LRCH2: variants seen among roughly 807,000 people sequenced by gnomAD.
The protein encoded by LRCH2 is leucine-rich repeat and calponin homology domain-containing protein 2.
A neutral mutation model predicts 68.9 loss-of-function variants in LRCH2; 38 were observed. The ratio of observed to expected loss-of-function variants is 0.55; its 90% CI spans 0.43 to 0.72. The LOEUF (loss-of-function observed/expected upper bound fraction) is 0.72. Ranked by LOEUF, LRCH2 falls within the 30% of genes least tolerant of loss-of-function variation. The pLI is 0.00. For synonymous variants in LRCH2, 191 were observed against 208.1 expected, an observed-to-expected ratio of 0.92 and a Z score of 0.71; for missense variants, 528 against 572.9, an observed-to-expected ratio of 0.92 and a Z score of 0.80.
chrX:115,166,185 A>C (rs1213573456), intron 7 of LRCH2, 70 bp downstream of exon 7: 1 of 798,042 alleles, frequency 1.3e-6, no homozygotes, highest in Non-Finnish European at 1.8e-6. Context: ...TCAAGTATGC[A>C]CAAGGGTCTC....
In LRCH2 at chrX:115,179,133, T is replaced by C. The variant is rs143685374; in HGVS notation, c.864+294A>G. 6.2e-5 allele frequency among the ~76,000 whole-genome samples: 7 copies of C among 112,166 alleles called. No homozygotes were observed. In the East Asian group the frequency reaches 2.0e-3, roughly 32 times the overall value. On this transcript the variant is annotated intron_variant, in intron 5 of 20. Transcript: ENST00000317135. ...CCACAACAAATCCCAAGTAGATATA[T>C]ACCTGAGTGGGAAATAGGTAGAGAG...
chrX:115,143,782 A>G (rs1269281497), intron 14 of LRCH2, among the ~76,000 whole-genome samples: 1 of 112,122 alleles, frequency 8.9e-6, no homozygotes, highest in Non-Finnish European at 1.9e-5. Context: ...GTCATTCATC[A>G]TGACCAAGTG....
At chrX:115,143,749 G>A (rs1460441413) in intron 14 of LRCH2, among the ~76,000 whole-genome samples, 1 of 111,288 alleles carries the variant, frequency 9.0e-6, no homozygotes, top group Non-Finnish European at 1.9e-5. Context: ...CTAGCAAACC[G>A]AATTCAACAA....
chrX:115,192,345 C>T, intron 1 of LRCH2: 1 of 1,080,870 alleles, frequency 9.3e-7, no homozygotes. Context: ...ACAGTTCCAT[C>T]AAGAGTTACG....
intron 14 of LRCH2, among the ~76,000 whole-genome samples, chrX:115,131,123 T>TA (rs1488790632): frequency 1.3e-4 from 14 of 111,247 alleles, no homozygotes; most frequent in African/African-American, 4.6e-4. Context: ...CAATTTTTTT[T>TA]ATTATATTTT....
intron 12 of LRCH2, 27 bp from the exon 13 acceptor site, chrX:115,150,097 G>T (rs782300690): frequency 2.0e-6 from 2 of 1,022,005 alleles, no homozygotes; most frequent in South Asian, 2.5e-5. Context: ...GCCTTAATAC[G>T]TTAAAATATT....
At chrX:115,131,600 T>C (rs958600136) in intron 14 of LRCH2, among the ~76,000 whole-genome samples, 1 of 112,017 alleles carries the variant, frequency 8.9e-6, no homozygotes, top group Non-Finnish European at 1.9e-5. Context: ...GCATGATTTA[T>C]AATCCTTTGG....
intron 5 of LRCH2, among the ~76,000 whole-genome samples, chrX:115,177,029 G>A (rs1430499054): frequency 2.0e-5 from 2 of 98,309 alleles, no homozygotes; most frequent in African/African-American, 7.6e-5. Context: ...TTACAAGTGT[G>A]AGCCACCGCA....
chrX:115,138,207 C>T (rs1255321891), intron 14 of LRCH2, among the ~76,000 whole-genome samples: 1 of 109,790 alleles, frequency 9.1e-6, no homozygotes, highest in Non-Finnish European at 1.9e-5. Flanking sequence ...ACTCTCTGAC[C>T]TCCTCCCTTC....
At position 115,114,013 on chromosome X, in the gene LRCH2, C is replaced by T. The variant is rs147377283; in HGVS notation, c.2179-678G>A. 4.5e-4 allele frequency among the ~76,000 whole-genome samples: 50 copies of T among 111,120 alleles called. No homozygotes were observed. The East Asian group carries it at 0.011, about 25-fold the overall frequency. On this transcript the variant is annotated intron_variant, in intron 20 of 20. Transcript: ENST00000317135. ...CTACCCCTTCCATACCGATGGCTTC[C>T]AAGTTTTTATTTCCTCCCAAGATCT...
chrX:115,183,335 T>C (rs1166635697), intron 3 of LRCH2, among the ~76,000 whole-genome samples: 3 of 111,525 alleles, frequency 2.7e-5, no homozygotes, highest in Non-Finnish European at 3.8e-5. Flanking sequence ...ATTATGAAAT[T>C]GTAGGTAAGT....
chrX:115,137,215 A>G (rs1556532292), intron 14 of LRCH2, among the ~76,000 whole-genome samples: 1 of 111,403 alleles, frequency 9.0e-6, no homozygotes, highest in Non-Finnish European at 1.9e-5. Flanking sequence ...TGCCTGGGCA[A>G]GAAAGTATGA....
intron 3 of LRCH2, among the ~76,000 whole-genome samples, chrX:115,181,702 T>C (rs1556552791): frequency 8.9e-6 from 1 of 112,469 alleles, no homozygotes; most frequent in Non-Finnish European, 1.9e-5. Context: ...CAACTGTCAA[T>C]TAGCCCTCCT....
Position 115,116,194 on chromosome X carries a change from C to A in LRCH2, c.2179-2859G>T, listed in dbSNP as rs184222489. On this transcript the variant is annotated intron_variant, in intron 20 of 20. Coordinates refer to ENST00000317135, the MANE Select transcript of LRCH2 (RefSeq NM_020871.4). Reference sequence around the variant, plus strand: ...GAGTTACCATATAACCTAACAATTTCACTGCTAGGTATAACCAAGAGAACT... The same window carrying A: ...GAGTTACCATATAACCTAACAATTTAACTGCTAGGTATAACCAAGAGAACT... Among the ~76,000 whole-genome samples the A allele has an allele frequency of 4.6e-3, 514 of 111,335 alleles. 3 individuals carry two copies. The highest frequency in any genetic ancestry group is 0.02 in the South Asian group (55 of 2,688).
At chrX:115,187,195 G>C (rs2072739329) in intron 2 of LRCH2, among the ~76,000 whole-genome samples, 1 of 111,500 alleles carries the variant, frequency 9.0e-6, no homozygotes, top group Admixed American at 9.5e-5. Flanking sequence ...AACACCACTG[G>C]GGGAGTCATA....
chrX:115,118,312 A>G (rs975049148), intron 20 of LRCH2, among the ~76,000 whole-genome samples: 1 of 111,090 alleles, frequency 9.0e-6, no homozygotes, highest in East Asian at 2.8e-4. Context: ...TCAAATAGAC[A>G]CAATAAAAAA....
intron 1 of LRCH2, among the ~76,000 whole-genome samples, chrX:115,193,412 T>A (rs1018367311): frequency 1.1e-4 from 12 of 111,517 alleles, no homozygotes; most frequent in African/African-American, 3.2e-4. Context: ...CCCACAATTT[T>A]TTTTTTCTCA....
rs190028207 is a variant in LRCH2 at position 115,204,392 on chromosome X, C to T, written c.350-16022G>A. Among the ~76,000 whole-genome samples, 33 of 113,290 alleles carry T rather than the reference C, an allele frequency of 2.9e-4. 1 individual carries two copies. Among genetic ancestry groups the T allele is most frequent in the Admixed American group, 1.9e-3 (21 of 10,801 alleles). On this transcript the variant is annotated intron_variant, in intron 1 of 20. Coordinates refer to ENST00000317135, the MANE Select transcript of LRCH2 (RefSeq NM_020871.4). ...TTTTTACTTATGCAAATTTCTGCAG[C>T]GGGCTTGAATTACTTCCCAGTAAAT...
chrX:115,172,566 C>T (rs1043006843), intron 5 of LRCH2, among the ~76,000 whole-genome samples: 1 of 111,260 alleles, frequency 9.0e-6, no homozygotes, highest in Non-Finnish European at 1.9e-5. Flanking sequence ...CAGATAAACT[C>T]TACAGAGTAA....
Sources: gnomAD v4.1 joint callset for allele counts (sites outside exome capture counted in the v4.1 genomes callset) on GRCh38, gnomAD v4.1.1 for gene constraint, MANE v1.5 for transcripts, NCBI Gene and HGNC (gene_info 2026-07-23, HGNC 2026-07-21) for gene names.